TSPAN16: variants seen among roughly 807,000 people sequenced by gnomAD.
TSPAN16 encodes tetraspanin-16.
In TSPAN16, 23 loss-of-function variants were observed where a neutral mutation model predicts 25.2. That is an observed-to-expected ratio of 0.91 (90% CI 0.66 to 1.29). The LOEUF is 1.29. Among genes scored for constraint, TSPAN16 ranks in the 50% most tolerant of loss-of-function variants. TSPAN16 has a pLI of 0.00. For synonymous variants in TSPAN16, 123 were observed against 124.4 expected (o/e 0.99, Z 0.08); for missense variants, 272 against 299.9 (o/e 0.91, Z 0.69).
At chr19:11,297,706 A>G (rs2080494352) in intron 1 of TSPAN16, among the ~76,000 whole-genome samples, 1 of 152,160 alleles carries the variant, frequency 6.6e-6, no homozygotes, top group African/African-American at 2.4e-5. Context: ...CATGTTGGCC[A>G]GGCTGGTCTC....
downstream of TSPAN16, among the ~76,000 whole-genome samples, chr19:11,317,585 T>C: frequency 6.6e-6 from 1 of 151,626 alleles, no homozygotes; most frequent in Admixed American, 6.6e-5. Context: ...ACCTCAGCCT[T>C]CCGGGTTCAA....
intron 6 of TSPAN16, among the ~76,000 whole-genome samples, chr19:11,315,116 A>C (rs1405326770): frequency 1.3e-5 from 2 of 151,170 alleles, no homozygotes; most frequent in Non-Finnish European, 2.9e-5. Context: ...GGCGCCTGTA[A>C]TTCCAGCTCC....
chr19:11,322,208 T>C (rs2147962869), intron 6 of TSPAN16: 1 of 152,212 alleles, frequency 6.6e-6, no homozygotes, highest in Non-Finnish European at 1.5e-5. Flanking sequence ...TATTTCAGAA[T>C]CATCAGGGAG....
Position 11,306,593 on chromosome 19 carries a change from C to T in TSPAN16, c.451-11C>T, listed in dbSNP as rs750870176. Reference sequence around the variant, plus strand: ...AAGGGACTCTCCAAGTATTTCTTCTCCTCTCTATAGCTAAAGTGCTGTGGG... The same window carrying T: ...AAGGGACTCTCCAAGTATTTCTTCTTCTCTCTATAGCTAAAGTGCTGTGGG... On this transcript the variant is annotated splice_polypyrimidine_tract_variant and intron_variant, in intron 4 of 6. Coordinates refer to ENST00000590327, the MANE Select transcript of TSPAN16 (RefSeq NM_001282509.2). The T allele has an allele frequency of 1.6e-5, 25 of 1,612,646 alleles. No individual in the cohort carries two copies. In the South Asian group the frequency reaches 2.7e-4, roughly 18 times the overall value.
chr19:11,301,226 C>G lies in TSPAN16; in HGVS notation c.368C>G (p.Thr123Ser). 1 of 1,614,026 alleles carries G rather than the reference C, an allele frequency of 6.2e-7. No homozygotes were observed. The highest frequency in any genetic ancestry group is 1.1e-5 in the South Asian group (1 of 91,078). The stretch of plus-strand genomic sequence containing the variant: ...GTTGGAGATGTGGCCTTGGAACACA[C>G]CTTCGTGACCCTGAGGAAGAATTAC... Reference protein sequence around the residue: ...PIVGDVALEHTFVTLRKNYRG... With the variant: ...PIVGDVALEHSFVTLRKNYRG... Residue 123 changes from threonine to serine, a missense_variant, in exon 4 of 7, where the codon ACC (threonine) becomes AGC (serine). Physicochemically the swap from Thr to Ser is moderately conservative, Grantham distance 58. Transcript: ENST00000590327.
rs116474669 is a variant in TSPAN16 at position 11,304,370 on chromosome 19, C to T, written c.451-2234C>T. On this transcript the variant is annotated intron_variant, in intron 4 of 6. Coordinates refer to ENST00000590327, the MANE Select transcript of TSPAN16 (RefSeq NM_001282509.2). ...TTTATTTATGTACTTAAGACAGAGT[C>T]GTACTCCCAAAACTCAGGCTGGAGT... 2.1e-3 allele frequency among the ~76,000 whole-genome samples: 320 copies of T among 151,298 alleles called. 11 individuals carry two copies. The highest frequency in any genetic ancestry group is 7.5e-3 in the African/African-American group (306 of 40,790).
At chr19:11,301,015 C>T (rs1428765983) in intron 3 of TSPAN16, 186 bp from the exon 4 acceptor site, 7 of 566,620 alleles carry the variant, frequency 1.2e-5, no homozygotes, top group Non-Finnish European at 2.2e-5. Flanking sequence ...GTTTCCCTCT[C>T]TTGTGGTGGG....
intron 6 of TSPAN16, chr19:11,322,596 A>T (rs1293528119): frequency 1.3e-5 from 2 of 152,224 alleles, no homozygotes; most frequent in East Asian, 3.8e-4. Flanking sequence ...ATCAGTTTTC[A>T]GTCCCCAGAG....
chr19:11,315,557 AAAAT>A lies in TSPAN16; in HGVS notation c.688-210_688-207del, dbSNP rs201093332. 1.8e-4 allele frequency among the ~76,000 whole-genome samples: 27 copies of A among 147,812 alleles called. No individual in the cohort carries two copies. In the South Asian group the frequency reaches 2.2e-3, roughly 12 times the overall value. ...GGCGACAGAGGGAGACTTCATCTCA[AAAAT>A]AAATAAATAAATAAATAAATAAAAT... On this transcript the variant is annotated intron_variant, in intron 6 of 6. Coordinates refer to ENST00000590327, the MANE Select transcript of TSPAN16 (RefSeq NM_001282509.2).
Position 11,296,176 on chromosome 19 carries a change from GA to G in TSPAN16, c.-121del, listed in dbSNP as rs1665473664. 3 of 1,018,054 alleles carry G rather than the reference GA, an allele frequency of 2.9e-6. No individual in the cohort carries two copies. The Admixed American group carries it at 6.6e-5, about 22-fold the overall frequency. 63.1% of individuals were successfully genotyped at this position (1,018,054 alleles called of 1,614,324 possible). ...ACAACCATCAGGCAGCCAGGACACA[GA>G]GGGGCAGAGCAAGTCAGCATTGGCG... On this transcript the variant is annotated 5_prime_UTR_variant, in exon 1 of 7. Coordinates refer to ENST00000590327, the MANE Select transcript of TSPAN16 (RefSeq NM_001282509.2).
intron 3 of TSPAN16, 128 bp from the exon 4 acceptor site, chr19:11,301,073 G>A (rs2080541498): frequency 2.8e-6 from 2 of 711,834 alleles, no homozygotes; most frequent in Admixed American, 4.5e-5. Context: ...CCCCTGAGCT[G>A]AGGGTAGGAA....
At chr19:11,317,301 G>C (rs1216699239), downstream of TSPAN16, among the ~76,000 whole-genome samples, 1 of 151,950 alleles carries the variant, frequency 6.6e-6, no homozygotes, top group Non-Finnish European at 1.5e-5. Context: ...GGCCATTGTT[G>C]AGTCTTCCTA....
At chr19:11,326,967 C>T (rs556778809) in exon 7 of TSPAN16, 4 of 487,570 alleles carry the variant, frequency 8.2e-6, no homozygotes, top group African/African-American at 6.1e-5. Context: ...CCCTGAATCT[C>T]CATGCAGCCC....
chr19:11,301,755 G>C (rs1205813188), intron 4 of TSPAN16, among the ~76,000 whole-genome samples: 1 of 152,006 alleles, frequency 6.6e-6, no homozygotes, highest in Non-Finnish European at 1.5e-5. Context: ...GAACTATGAT[G>C]GTGCCACTGC....
downstream of TSPAN16, among the ~76,000 whole-genome samples, chr19:11,319,328 A>C (rs542084881): frequency 6.6e-6 from 1 of 152,342 alleles, no homozygotes; most frequent in South Asian, 2.1e-4. Flanking sequence ...GGCCAGGCGC[A>C]GTGGCTTATG....
intron 6 of TSPAN16, chr19:11,322,661 T>C (rs1278216691): frequency 6.6e-6 from 1 of 152,204 alleles, no homozygotes; most frequent in Admixed American, 6.5e-5. Context: ...ATTTGCCTTA[T>C]TTTTAGAAGA....
chr19:11,315,765 C>G, intron 6 of TSPAN16, 26 bp from the exon 7 acceptor site: 1 of 1,231,036 alleles, frequency 8.1e-7, no homozygotes, highest in Non-Finnish European at 1.0e-6. Flanking sequence ...GCATTGGATC[C>G]ATGTTTCTTT....
At chr19:11,316,300 A>G (rs200723746), downstream of TSPAN16, among the ~76,000 whole-genome samples, 2 of 151,946 alleles carry the variant, frequency 1.3e-5, no homozygotes, top group East Asian at 3.9e-4. Flanking sequence ...TTGTATGTTT[A>G]GTAGAGATGG....
intron 3 of TSPAN16, among the ~76,000 whole-genome samples, chr19:11,300,394 T>C (rs1387119390): frequency 6.6e-6 from 1 of 151,902 alleles, no homozygotes; most frequent in Non-Finnish European, 1.5e-5. Flanking sequence ...CAACCAGCCA[T>C]TGATGGAGGG....
Sources: allele counts gnomAD v4.1 joint callset (sites outside exome capture counted in the v4.1 genomes callset), GRCh38; gene constraint gnomAD v4.1.1; transcripts MANE v1.5; gene names NCBI Gene and HGNC (gene_info 2026-07-23, HGNC 2026-07-21).